KCND2: variants seen among roughly 807,000 people sequenced by gnomAD.
KCND2 encodes potassium voltage-gated channel subfamily D member 2.
A neutral mutation model predicts 54.4 loss-of-function variants in KCND2; 16 were observed. That is an observed-to-expected ratio of 0.29 (90% CI 0.20 to 0.45). KCND2 has a LOEUF of 0.45. KCND2 is among the 20% of genes least tolerant of loss of function. The pLI is 1.00. For synonymous variants in KCND2, 317 were observed against 310.7 expected (o/e 1.02, Z -0.21); for missense variants, 486 against 824.2 (o/e 0.59, Z 5.02).
At chr7:120,504,389 C>A (rs1393259133) in intron 1 of KCND2, among the ~76,000 whole-genome samples, 1 of 151,778 alleles carries the variant, frequency 6.6e-6, no homozygotes, top group Non-Finnish European at 1.5e-5. Context: ...TTACATAAAC[C>A]TTAAAATTAT....
In KCND2 at chr7:120,678,343, TTATATA is replaced by T. The variant is rs3067141; in HGVS notation, c.1116-54535_1116-54530del. The stretch of plus-strand genomic sequence containing the variant: ...GCTCTTCTACCGTAGGTATGATTAT[TTATATA>T]TATATATATATATATATATATATAC... On this transcript the variant is annotated intron_variant, in intron 1 of 5. Transcript: ENST00000331113. 2.3e-3 allele frequency among the ~76,000 whole-genome samples: 273 copies of T among 120,272 alleles called. 2 individuals are homozygous for T. The highest frequency in any genetic ancestry group is 6.2e-3 in the African/African-American group (197 of 31,764). The allele number at this position is 120,272 out of a possible 152,430, so 78.9% of individuals were successfully genotyped here.
chr7:120,407,077 A>G (rs1009429052), intron 1 of KCND2, among the ~76,000 whole-genome samples: 2 of 152,098 alleles, frequency 1.3e-5, no homozygotes, highest in African/African-American at 2.4e-5. Context: ...AAAATTTCCT[A>G]TAATACACCT....
intron 1 of KCND2, among the ~76,000 whole-genome samples, chr7:120,507,755 C>T (rs1221262100): frequency 6.6e-6 from 1 of 151,850 alleles, no homozygotes; most frequent in Non-Finnish European, 1.5e-5. Flanking sequence ...GAAATAAATT[C>T]TTATCTAACA....
chr7:120,398,104 C>G (rs1296686416), intron 1 of KCND2, among the ~76,000 whole-genome samples: 1 of 144,278 alleles, frequency 6.9e-6, no homozygotes, highest in East Asian at 2.0e-4. Flanking sequence ...GTAAAGTTGG[C>G]TACGTTCTGA....
chr7:120,428,119 A>G (rs904903497), intron 1 of KCND2, among the ~76,000 whole-genome samples: 5 of 152,250 alleles, frequency 3.3e-5, no homozygotes, highest in Admixed American at 1.3e-4. Flanking sequence ...TACATTTACC[A>G]TATTCCATTT....
intron 1 of KCND2, among the ~76,000 whole-genome samples, chr7:120,598,287 A>G (rs930557054): frequency 6.6e-6 from 1 of 152,118 alleles, no homozygotes; most frequent in South Asian, 2.1e-4. Flanking sequence ...TCCTTTTACT[A>G]TTGAATAATG....
At position 120,591,101 on chromosome 7, in the gene KCND2, C is replaced by T. The variant is rs377664701; in HGVS notation, c.1116-141802C>T. Among the ~76,000 whole-genome samples the T allele has an allele frequency of 2.6e-5, 4 of 152,198 alleles. No individual in the cohort carries two copies. In the East Asian group the frequency reaches 7.7e-4, roughly 29 times the overall value. On this transcript the variant is annotated intron_variant, in intron 1 of 5. Transcript: ENST00000331113. ...CTTTGGAAAAGTAAAAAATTAGTAG[C>T]TTTTTTCCCAGTATATATCACCCAA...
chr7:120,707,430 A>C (rs1792483794), intron 1 of KCND2, among the ~76,000 whole-genome samples: 2 of 152,116 alleles, frequency 1.3e-5, no homozygotes, highest in Admixed American at 1.3e-4. Flanking sequence ...ACAAAACTCA[A>C]GCTAAATGTA....
intron 1 of KCND2, among the ~76,000 whole-genome samples, chr7:120,688,179 T>C (rs1002601970): frequency 6.6e-6 from 1 of 152,184 alleles, no homozygotes; most frequent in Non-Finnish European, 1.5e-5. Flanking sequence ...GTGTCCACTT[T>C]AGCAAAGGGT....
intron 1 of KCND2, among the ~76,000 whole-genome samples, chr7:120,481,831 G>A (rs796326047): frequency 1.2e-4 from 18 of 152,268 alleles, no homozygotes; most frequent in African/African-American, 4.3e-4. Context: ...AGAGCTATGG[G>A]GACATAGCTA....
intron 1 of KCND2, among the ~76,000 whole-genome samples, chr7:120,456,135 A>G (rs1189668251): frequency 6.6e-6 from 1 of 152,168 alleles, no homozygotes; most frequent in Non-Finnish European, 1.5e-5. Flanking sequence ...TTTCCTTTTC[A>G]ACTTAGCTTT....
chr7:120,440,575 A>G (rs1801932948), intron 1 of KCND2, among the ~76,000 whole-genome samples: 1 of 152,030 alleles, frequency 6.6e-6, no homozygotes, highest in East Asian at 1.9e-4. Context: ...GACCAAGGTC[A>G]TGAAGCATTT....
chr7:120,692,682 T>C (rs1030974355), intron 1 of KCND2, among the ~76,000 whole-genome samples: 2 of 152,216 alleles, frequency 1.3e-5, no homozygotes, highest in Non-Finnish European at 2.9e-5. Context: ...TGTTTGGGAC[T>C]GCTGACTCCT....
intron 1 of KCND2, among the ~76,000 whole-genome samples, chr7:120,380,538 T>G (rs1038647131): frequency 2.6e-5 from 4 of 152,074 alleles, no homozygotes; most frequent in Non-Finnish European, 5.9e-5. Context: ...AGTCACATAA[T>G]AGCTTTTTAA....
chr7:120,312,552 G>T (rs1022402593), intron 1 of KCND2, among the ~76,000 whole-genome samples: 2 of 152,158 alleles, frequency 1.3e-5, no homozygotes, highest in South Asian at 4.1e-4. Context: ...AAGGATATTT[G>T]ATTCAGATTT....
chr7:120,717,544 A>ACTT (rs1364003936), intron 1 of KCND2, among the ~76,000 whole-genome samples: 1 of 152,130 alleles, frequency 6.6e-6, no homozygotes, highest in Non-Finnish European at 1.5e-5. Context: ...CAAAGAAAAG[A>ACTT]CTTCTTAGGC....
chr7:120,536,360 G>T (rs771043849), intron 1 of KCND2, among the ~76,000 whole-genome samples: 9 of 152,130 alleles, frequency 5.9e-5, no homozygotes, highest in Non-Finnish European at 1.0e-4. Flanking sequence ...GATCACGGTG[G>T]TGTTCCCGAA....
At chr7:120,398,377 T>C (rs1195254728) in intron 1 of KCND2, among the ~76,000 whole-genome samples, 1 of 151,984 alleles carries the variant, frequency 6.6e-6, no homozygotes, top group Non-Finnish European at 1.5e-5. Flanking sequence ...ACCTACTATT[T>C]TCCAGGCACT....
At chr7:120,518,443 T>C (rs1310131691) in intron 1 of KCND2, among the ~76,000 whole-genome samples, 1 of 152,154 alleles carries the variant, frequency 6.6e-6, no homozygotes, top group Non-Finnish European at 1.5e-5. Flanking sequence ...CAACAAGTTC[T>C]TGCAATTTCT....
Sources: allele counts gnomAD v4.1 joint callset (sites outside exome capture counted in the v4.1 genomes callset), GRCh38; gene constraint gnomAD v4.1.1; transcripts MANE v1.5; gene names NCBI Gene and HGNC (gene_info 2026-07-23, HGNC 2026-07-21).